The following UBE2V2 variants were observed in gnomAD, a reference collection of about 807,000 sequenced individuals.
UBE2V2 encodes the protein ubiquitin conjugating enzyme E2 V2, also known as ubiquitin-conjugating enzyme E2 variant 2.
UBE2V2 carries 9 observed loss-of-function variants against 17.2 expected under a neutral mutation model. The observed-to-expected ratio is 0.52, with a 90% CI of 0.32 to 0.91. UBE2V2 has a LOEUF of 0.91. Among genes scored for constraint, UBE2V2 ranks in the 40% least tolerant of loss-of-function variants. UBE2V2 has a pLI of 0.04. For missense variants in UBE2V2, 133 were observed against 182.6 expected (o/e 0.73, Z 1.56); for synonymous variants, 61 against 57.5 (o/e 1.06, Z -0.28).
intron 1 of UBE2V2, among the ~76,000 whole-genome samples, chr8:48,033,181 T>C (rs1013020468): frequency 1.3e-5 from 2 of 152,100 alleles, no homozygotes; most frequent in Non-Finnish European, 2.9e-5. Context: ...ATTTTTTTTA[T>C]TCTTTTTCCA....
chr8:48,008,402 C>A, upstream of UBE2V2: 1 of 1,552,564 alleles, frequency 6.4e-7, no homozygotes, highest in Admixed American at 1.9e-5. Flanking sequence ...CCGGAAGTGA[C>A]GCGCGACGGT....
At chr8:48,013,494 A>G (rs2091247560) in intron 1 of UBE2V2, among the ~76,000 whole-genome samples, 1 of 151,836 alleles carries the variant, frequency 6.6e-6, no homozygotes, top group Admixed American at 6.6e-5. Flanking sequence ...TATTTTTAGT[A>G]GAAGTGGGGT....
chr8:48,050,684 G>GT (rs1425039283), intron 3 of UBE2V2, among the ~76,000 whole-genome samples: 1 of 137,094 alleles, frequency 7.3e-6, no homozygotes, highest in Non-Finnish European at 1.5e-5. Flanking sequence ...GCGAAACTCC[G>GT]TCTCAAAAAA....
At chr8:48,059,105 A>G (rs1479888513) in intron 3 of UBE2V2, among the ~76,000 whole-genome samples, 1 of 151,830 alleles carries the variant, frequency 6.6e-6, no homozygotes, top group African/African-American at 2.4e-5. Flanking sequence ...TACAAATATT[A>G]TTGTATTTTA....
At chr8:48,002,860 G>A in the UBE2V2 span, among the ~76,000 whole-genome samples, 1 of 152,038 alleles carries the variant, frequency 6.6e-6, no homozygotes, top group African/African-American at 2.4e-5. Flanking sequence ...TGTTAATTAA[G>A]TTGATTTAGC....
intron 3 of UBE2V2, among the ~76,000 whole-genome samples, chr8:48,056,786 C>T (rs184589426): frequency 2.1e-3 from 320 of 152,160 alleles, no homozygotes; most frequent in South Asian, 7.3e-3. Context: ...TGCGGTGGTG[C>T]GATCTTGGCT....
intron 1 of UBE2V2, among the ~76,000 whole-genome samples, chr8:48,015,018 C>G (rs1048689657): frequency 3.3e-5 from 5 of 149,328 alleles, no homozygotes; most frequent in African/African-American, 9.9e-5. Flanking sequence ...CCACTGCACT[C>G]CAGCCCGAGT....
chr8:48,004,216 G>T (rs150611145), upstream of UBE2V2, among the ~76,000 whole-genome samples: 1 of 152,286 alleles, frequency 6.6e-6, no homozygotes, highest in African/African-American at 2.4e-5. Flanking sequence ...TTCTCAATCA[G>T]TAAGGACATA....
At chr8:48,039,236 C>T (rs898968553) in intron 1 of UBE2V2, among the ~76,000 whole-genome samples, 2 of 152,120 alleles carry the variant, frequency 1.3e-5, no homozygotes, top group East Asian at 1.9e-4. Context: ...CCACTAACAC[C>T]TTTATACTTT....
At chr8:48,036,995 A>G (rs1192217298) in intron 1 of UBE2V2, among the ~76,000 whole-genome samples, 3 of 152,072 alleles carry the variant, frequency 2.0e-5, no homozygotes, top group Non-Finnish European at 4.4e-5. Context: ...CCTGGCCAAC[A>G]TGGCGAAACC....
chr8:48,051,142 C>T (rs1426073911), intron 3 of UBE2V2, among the ~76,000 whole-genome samples: 1 of 152,150 alleles, frequency 6.6e-6, no homozygotes, highest in Non-Finnish European at 1.5e-5. Context: ...CCACTGTGTC[C>T]AGCCCATTGT....
the UBE2V2 span, among the ~76,000 whole-genome samples, chr8:48,000,333 G>A: frequency 6.6e-6 from 1 of 152,296 alleles, no homozygotes; most frequent in South Asian, 2.1e-4. Context: ...CCCACTTTAA[G>A]GTCCATAAAT....
chr8:48,051,623 T>G (rs1415707654), intron 3 of UBE2V2, among the ~76,000 whole-genome samples: 2 of 152,200 alleles, frequency 1.3e-5, no homozygotes, highest in African/African-American at 4.8e-5. Context: ...CTGGCTCCCA[T>G]GCTTCCCAGT....
At chr8:48,043,558 GGACT>G (rs535851488) in intron 2 of UBE2V2, 2 of 154,382 alleles carry the variant, frequency 1.3e-5, no homozygotes, top group East Asian at 3.8e-4. Context: ...GATCCCTAAA[GGACT>G]GACTGGTAGG....
upstream of UBE2V2, among the ~76,000 whole-genome samples, chr8:48,007,362 CAT>C (rs1047781557): frequency 6.6e-6 from 1 of 152,140 alleles, no homozygotes; most frequent in Non-Finnish European, 1.5e-5. Context: ...TAGAAAACCC[CAT>C]AGTCTCAGCC....
At chr8:48,002,259 A>T in the UBE2V2 span, among the ~76,000 whole-genome samples, 1 of 152,248 alleles carries the variant, frequency 6.6e-6, no homozygotes, top group African/African-American at 2.4e-5. Flanking sequence ...TATTCACAAT[A>T]GCCTCAAGAT....
intron 1 of UBE2V2, among the ~76,000 whole-genome samples, chr8:48,023,452 G>T (rs2154507066): frequency 6.6e-6 from 1 of 151,986 alleles, no homozygotes; most frequent in African/African-American, 2.4e-5. Flanking sequence ...CTGACATCAG[G>T]TGATCCACCT....
At chr8:48,036,785 T>G (rs1187888303) in intron 1 of UBE2V2, among the ~76,000 whole-genome samples, 2 of 152,180 alleles carry the variant, frequency 1.3e-5, no homozygotes, top group African/African-American at 4.8e-5. Context: ...TTACATATTT[T>G]GTGGGGGTAC....
intron 2 of UBE2V2, among the ~76,000 whole-genome samples, chr8:48,045,471 C>T (rs1303240665): frequency 6.6e-6 from 1 of 152,124 alleles, no homozygotes; most frequent in African/African-American, 2.4e-5. Context: ...CCTTTCTTGG[C>T]ATAAGACAAG....
Sources: allele counts gnomAD v4.1 joint callset (sites outside exome capture counted in the v4.1 genomes callset), GRCh38; gene constraint gnomAD v4.1.1; transcripts MANE v1.5; gene names NCBI Gene and HGNC (gene_info 2026-07-23, HGNC 2026-07-21).